Variants in SWAP70 observed in about 807,000 individuals in gnomAD.
SWAP70 encodes switching B cell complex subunit SWAP70.
Under a neutral mutation model 80.2 loss-of-function variants are expected in SWAP70, and 34 were observed. That is an observed-to-expected ratio of 0.42 (90% confidence interval 0.32 to 0.56). SWAP70 has a LOEUF of 0.56. SWAP70 is among the 20% of genes least tolerant of loss of function. The pLI is 0.09. For synonymous variants in SWAP70, 239 were observed against 238.5 expected, an observed-to-expected ratio of 1.00 and a Z score of -0.02; for missense variants, 578 against 690.7, an observed-to-expected ratio of 0.84 and a Z score of 1.83.
intron 1 of SWAP70, among the ~76,000 whole-genome samples, chr11:9,674,506 C>A (rs1052168024): frequency 6.6e-6 from 1 of 151,584 alleles, no homozygotes; most frequent in African/African-American, 2.4e-5. Context: ...TTGAAAACAG[C>A]CTGGAAAATA....
chr11:9,689,563 G>A (rs912731035), intron 1 of SWAP70, among the ~76,000 whole-genome samples: 1 of 152,202 alleles, frequency 6.6e-6, no homozygotes, highest in Non-Finnish European at 1.5e-5. Flanking sequence ...ATTTGAAGCG[G>A]GATAAATTCA....
intron 2 of SWAP70, among the ~76,000 whole-genome samples, chr11:9,696,929 C>T (rs1850765588): frequency 6.6e-6 from 1 of 152,028 alleles, no homozygotes; most frequent in Admixed American, 6.6e-5. Flanking sequence ...AAAATACTTG[C>T]AGCTGGGCAT....
At chr11:9,738,636 G>T (rs1049911555) in intron 8 of SWAP70, among the ~76,000 whole-genome samples, 1 of 148,562 alleles carries the variant, frequency 6.7e-6, no homozygotes, top group Non-Finnish European at 1.5e-5. Context: ...GGAGGCCAAG[G>T]CATGAGAATT....
At chr11:9,715,476 C>T (rs1302134328) in intron 3 of SWAP70, among the ~76,000 whole-genome samples, 3 of 152,138 alleles carry the variant, frequency 2.0e-5, no homozygotes. Flanking sequence ...TGGTCCTGGA[C>T]ACTGATTGCT....
chr11:9,665,024 A>T (rs1850291808), intron 1 of SWAP70, among the ~76,000 whole-genome samples: 1 of 152,188 alleles, frequency 6.6e-6, no homozygotes, highest in South Asian at 2.1e-4. Context: ...TATAGGGTAT[A>T]AATAAAGGGA....
intron 6 of SWAP70, among the ~76,000 whole-genome samples, chr11:9,730,458 G>T (rs1433589583): frequency 6.7e-6 from 1 of 149,962 alleles, no homozygotes; most frequent in African/African-American, 2.5e-5. Flanking sequence ...CTTTTTTTAT[G>T]ACTGAATAGT....
rs11607822 is a variant in SWAP70 at position 9,675,919 on chromosome 11, C to T, written c.99+11641C>T. Among the ~76,000 whole-genome samples the T allele has an allele frequency of 6.4e-3, 595 of 92,964 alleles. 2 individuals are homozygous for T. Among genetic ancestry groups the T allele is most frequent in the Non-Finnish European group, 0.012 (497 of 41,680 alleles). The allele number at this position is 92,964 out of a possible 152,430, so 61.0% of individuals were successfully genotyped here. On this transcript the variant is annotated intron_variant, in intron 1 of 11. Coordinates refer to ENST00000318950, the MANE Select transcript of SWAP70 (RefSeq NM_015055.4). The stretch of plus-strand genomic sequence containing the variant: ...TCATCAGCTCTGTTAACTTGATTTG[C>T]AATTGGATTGTTAAATACAACTGAT...
chr11:9,694,132 C>G lies in SWAP70; in HGVS notation c.100-14C>G. ...TTAGTGGGAGTCTTTAAACGATTTT[C>G]TTTTCCCTTGCAGGTCCTTTCCCAT... On this transcript the variant is annotated splice_polypyrimidine_tract_variant and intron_variant, in intron 1 of 11. Coordinates refer to ENST00000318950, the MANE Select transcript of SWAP70 (RefSeq NM_015055.4). The G allele has an allele frequency of 6.3e-7, 1 of 1,579,392 alleles. No individual in the cohort carries two copies. The highest frequency in any genetic ancestry group is 8.6e-7 in the Non-Finnish European group (1 of 1,164,296).
intron 1 of SWAP70, among the ~76,000 whole-genome samples, chr11:9,690,052 T>C (rs1350239601): frequency 6.6e-6 from 1 of 152,218 alleles, no homozygotes; most frequent in Non-Finnish European, 1.5e-5. Context: ...TTGCTACACG[T>C]AAAACTCTGT....
intron 1 of SWAP70, among the ~76,000 whole-genome samples, chr11:9,675,396 AGAGAGAGAGAG>A (rs1850483255): frequency 3.6e-5 from 4 of 110,980 alleles, no homozygotes; most frequent in African/African-American, 1.5e-4. Context: ...AGAGAGAGAG[AGAGAGAGAGAG>A]AGAGAGAGAG....
At chr11:9,666,747 C>T (rs1392727716) in intron 1 of SWAP70, among the ~76,000 whole-genome samples, 3 of 141,502 alleles carry the variant, frequency 2.1e-5, no homozygotes, top group Non-Finnish European at 4.6e-5. Context: ...TTTTTTGAGC[C>T]GGAGTTGCGC....
intron 1 of SWAP70, among the ~76,000 whole-genome samples, chr11:9,685,117 CTTTT>C (rs1011054261): frequency 7.2e-6 from 1 of 139,068 alleles, no homozygotes. Context: ...GGGTGACTTT[CTTTT>C]TTTTTTTTTT....
intron 1 of SWAP70, among the ~76,000 whole-genome samples, chr11:9,692,649 T>C (rs539877326): frequency 6.6e-6 from 1 of 152,304 alleles, no homozygotes; most frequent in Admixed American, 6.5e-5. Flanking sequence ...TGCATTTCTT[T>C]AATACTTGTA....
intron 2 of SWAP70, among the ~76,000 whole-genome samples, chr11:9,702,337 T>C (rs984791686): frequency 1.3e-5 from 2 of 152,182 alleles, no homozygotes; most frequent in African/African-American, 4.8e-5. Context: ...TGTGGTTCTT[T>C]TTTATTGCTC....
chr11:9,670,218 G>T (rs12223505), intron 1 of SWAP70, among the ~76,000 whole-genome samples: 79,972 of 151,966 alleles, frequency 0.53, 23,116 homozygotes, highest in South Asian at 0.69. Context: ...AGAGGGAAAT[G>T]GTGGGTCAAG....
At chr11:9,703,489 T>C in intron 2 of SWAP70, 1 of 456,310 alleles carries the variant, frequency 2.2e-6, no homozygotes, top group Non-Finnish European at 4.4e-6. Context: ...GAATTTTTGT[T>C]GATCCTTTAG....
At chr11:9,730,327 TAAAAA>T (rs58068637) in intron 6 of SWAP70, among the ~76,000 whole-genome samples, 5 of 136,938 alleles carry the variant, frequency 3.7e-5, no homozygotes, top group South Asian at 2.3e-4. Flanking sequence ...CGTCTCTACT[TAAAAA>T]AAAAAAAAAA....
At chr11:9,732,284 C>G (rs1851307860) in intron 6 of SWAP70, among the ~76,000 whole-genome samples, 2 of 152,060 alleles carry the variant, frequency 1.3e-5, no homozygotes, top group Admixed American at 1.3e-4. Flanking sequence ...TAGATCATCT[C>G]TCTCATTTTA....
intron 2 of SWAP70, among the ~76,000 whole-genome samples, chr11:9,712,571 C>T (rs888285865): frequency 6.6e-6 from 1 of 151,880 alleles, no homozygotes; most frequent in Non-Finnish European, 1.5e-5. Flanking sequence ...AAAATAAAAA[C>T]AAAAAATAGG....
Sources: gnomAD v4.1 joint callset for allele counts (sites outside exome capture counted in the v4.1 genomes callset) on GRCh38, gnomAD v4.1.1 for gene constraint, MANE v1.5 for transcripts, NCBI Gene and HGNC (gene_info 2026-07-23, HGNC 2026-07-21) for gene names.